Variants in AKAP13 observed in about 807,000 individuals in gnomAD.
AKAP13 encodes the protein A-kinase anchoring protein 13.
Under a neutral mutation model 264.5 loss-of-function variants are expected in AKAP13, and 80 were observed. The ratio of observed to expected loss-of-function variants is 0.30; its 90% CI spans 0.25 to 0.36. The LOEUF is 0.36. AKAP13 is among the 10% of genes least tolerant of loss of function. The pLI is 1.00. For missense variants in AKAP13, 3,712 were observed against 3,435.2 expected, an observed-to-expected ratio of 1.08 and a Z score of -2.01; for synonymous variants, 1,380 against 1,250.2, an observed-to-expected ratio of 1.10 and a Z score of -2.19.
intron 1 of AKAP13, among the ~76,000 whole-genome samples, chr15:85,470,767 T>A (rs2074932010): frequency 6.6e-6 from 1 of 152,224 alleles, no homozygotes; most frequent in Non-Finnish European, 1.5e-5. Flanking sequence ...GCTCAGTGCT[T>A]TAAGCATTGA....
chr15:85,499,787 C>A (rs1480262671), intron 2 of AKAP13, among the ~76,000 whole-genome samples: 1 of 152,108 alleles, frequency 6.6e-6, no homozygotes, highest in African/African-American at 2.4e-5. Context: ...CTCCTATGCC[C>A]CGGCTACTCT....
At chr15:85,642,541 C>T (rs1022479137) in intron 9 of AKAP13, among the ~76,000 whole-genome samples, 2 of 152,270 alleles carry the variant, frequency 1.3e-5, no homozygotes, top group Non-Finnish European at 2.9e-5. Flanking sequence ...ATTCCCCCCA[C>T]CTCCCCCCGC....
intron 2 of AKAP13, among the ~76,000 whole-genome samples, chr15:85,489,830 G>A (rs2151068274): frequency 6.6e-6 from 1 of 152,260 alleles, no homozygotes; most frequent in South Asian, 2.1e-4. Context: ...CAGTACTGTT[G>A]GATGTTTCAA....
intron 8 of AKAP13, among the ~76,000 whole-genome samples, chr15:85,623,517 G>C (rs190726909): frequency 6.6e-6 from 1 of 152,110 alleles, no homozygotes; most frequent in African/African-American, 2.4e-5. Context: ...ATTCTGCCCT[G>C]CTTCCTTTGT....
intron 5 of AKAP13, among the ~76,000 whole-genome samples, chr15:85,547,126 C>A (rs1007665359): frequency 6.6e-6 from 1 of 152,194 alleles, no homozygotes; most frequent in Non-Finnish European, 1.5e-5. Flanking sequence ...AAGCCGGCCT[C>A]TTTTATTGCC....
At chr15:85,561,445 C>T (rs935541190) in intron 5 of AKAP13, among the ~76,000 whole-genome samples, 3 of 152,192 alleles carry the variant, frequency 2.0e-5, no homozygotes, top group African/African-American at 7.2e-5. Flanking sequence ...TTGAGCTTAA[C>T]ATTGCATCTG....
At chr15:85,411,577 A>G (rs1033459908) in intron 1 of AKAP13, among the ~76,000 whole-genome samples, 2 of 152,038 alleles carry the variant, frequency 1.3e-5, no homozygotes, top group Non-Finnish European at 2.9e-5. Context: ...AGCTGGGACT[A>G]CAGGCGCCCA....
intron 8 of AKAP13, among the ~76,000 whole-genome samples, chr15:85,634,166 G>A (rs142442890): frequency 6.6e-6 from 1 of 152,126 alleles, no homozygotes; most frequent in East Asian, 1.9e-4. Context: ...GTTTCATGTG[G>A]TTCTAGTTTG....
intron 3 of AKAP13, 37 bp downstream of exon 3, chr15:85,521,612 A>C (rs774880809): frequency 6.2e-7 from 1 of 1,605,068 alleles, no homozygotes; most frequent in Admixed American, 1.7e-5. Flanking sequence ...AGCTTTTCCT[A>C]GTTCTTAAAC....
chr15:85,547,734 CTAAG>C (rs1484374275), intron 5 of AKAP13, among the ~76,000 whole-genome samples: 1 of 152,124 alleles, frequency 6.6e-6, no homozygotes, highest in Non-Finnish European at 1.5e-5. Context: ...AAGTTTCACT[CTAAG>C]TAAATGAAAG....
intron 2 of AKAP13, among the ~76,000 whole-genome samples, chr15:85,488,030 T>A (rs977604268): frequency 6.6e-6 from 1 of 152,238 alleles, no homozygotes; most frequent in African/African-American, 2.4e-5. Flanking sequence ...CCTGAGTAGC[T>A]GGAACCACAG....
At position 85,747,237 on chromosome 15, in the gene AKAP13, T is replaced by G. The variant is rs1254759308; in HGVS notation, c.*2560T>G. On this transcript the variant is annotated 3_prime_UTR_variant, in exon 37 of 37. Coordinates refer to ENST00000394518, the MANE Select transcript of AKAP13 (RefSeq NM_007200.5). ...GCTTACATACCTTTGTCATCTCTCTTCCCCCCTTGGAAGTTGTCCTCAGGG... is the reference window on the plus strand; with the variant it reads ...GCTTACATACCTTTGTCATCTCTCTGCCCCCCTTGGAAGTTGTCCTCAGGG... The G allele has an allele frequency of 1.3e-5, 2 of 152,172 alleles. No individual in the cohort carries two copies. Among genetic ancestry groups the G allele is most frequent in the Non-Finnish European group, 2.9e-5 (2 of 68,040 alleles). The allele number at this position is 152,172 out of a possible 1,614,324, so 9.4% of individuals were successfully genotyped here.
chr15:85,473,990 T>C (rs2075059358), intron 1 of AKAP13, among the ~76,000 whole-genome samples: 1 of 152,256 alleles, frequency 6.6e-6, no homozygotes, highest in Non-Finnish European at 1.5e-5. Flanking sequence ...CACTTCTTAC[T>C]TGAACAGCAG....
chr15:85,738,720 C>T (rs1305789477), intron 33 of AKAP13, among the ~76,000 whole-genome samples: 1 of 151,528 alleles, frequency 6.6e-6, no homozygotes, highest in Non-Finnish European at 1.5e-5. Flanking sequence ...CGCCTGTAGT[C>T]CCAGCTACTC....
At chr15:85,472,895 A>G (rs1052729312) in intron 1 of AKAP13, among the ~76,000 whole-genome samples, 5 of 152,262 alleles carry the variant, frequency 3.3e-5, no homozygotes, top group Non-Finnish European at 4.4e-5. Flanking sequence ...GAAACAGGCC[A>G]TATTACTATG....
chr15:85,601,150 G>A (rs753429522), intron 8 of AKAP13, among the ~76,000 whole-genome samples: 4 of 152,152 alleles, frequency 2.6e-5, no homozygotes, highest in Non-Finnish European at 5.9e-5. Context: ...GCACTAATCC[G>A]AGTAATAATT....
At chr15:85,592,252 G>A (rs2079615370) in intron 8 of AKAP13, among the ~76,000 whole-genome samples, 1 of 151,888 alleles carries the variant, frequency 6.6e-6, no homozygotes, top group African/African-American at 2.4e-5. Context: ...TTTTCTTTCT[G>A]TTGTCTAAAG....
intron 1 of AKAP13, among the ~76,000 whole-genome samples, chr15:85,440,765 T>C (rs2073607910): frequency 6.6e-6 from 1 of 152,220 alleles, no homozygotes. Context: ...ATATATGCAG[T>C]TTGAAGAAGT....
chr15:85,458,404 T>TG (rs1482612957), intron 1 of AKAP13, among the ~76,000 whole-genome samples: 1 of 149,174 alleles, frequency 6.7e-6, no homozygotes, highest in East Asian at 1.9e-4. Context: ...TTTTTTTTTT[T>TG]TTTTACTATA....
Sources: gnomAD v4.1 joint callset for allele counts (sites outside exome capture counted in the v4.1 genomes callset) on GRCh38, gnomAD v4.1.1 for gene constraint, MANE v1.5 for transcripts, NCBI Gene and HGNC (gene_info 2026-07-23, HGNC 2026-07-21) for gene names.